USP31: variants seen among roughly 807,000 people sequenced by gnomAD.
The protein encoded by USP31 is ubiquitin specific peptidase 31.
In USP31, 44 loss-of-function variants were observed where a neutral mutation model predicts 119.4. That is an observed-to-expected ratio of 0.37 (90% CI 0.29 to 0.47). The LOEUF (loss-of-function observed/expected upper bound fraction) is 0.47. Among genes scored for constraint, USP31 ranks in the 20% least tolerant of loss-of-function variants. USP31 has a pLI of 0.99. For synonymous variants in USP31, 749 were observed against 705.6 expected (o/e 1.06, Z -0.97); for missense variants, 1,643 against 1,730.2 (o/e 0.95, Z 0.89).
chr16:23,139,038 T>C lies in USP31; in HGVS notation c.633+9600A>G, dbSNP rs544919216. 3.3e-5 allele frequency among the ~76,000 whole-genome samples: 5 copies of C among 152,312 alleles called. No homozygotes were observed. The South Asian group carries it at 1.0e-3, about 32-fold the overall frequency. ...CAGCACAGAAAATGTGCTAAATAAA[T>C]CTGTAGACTTAATAAATCTATATAT... is the stretch of plus-strand genomic sequence containing the variant. On this transcript the variant is annotated intron_variant, in intron 1 of 15. Transcript: ENST00000219689.
chr16:23,110,218 A>G (rs1902262148), intron 1 of USP31, among the ~76,000 whole-genome samples: 1 of 152,212 alleles, frequency 6.6e-6, no homozygotes, highest in Non-Finnish European at 1.5e-5. Flanking sequence ...GAATATATAT[A>G]TTTACAAACT....
At chr16:23,135,927 T>TA (rs1232076578) in intron 1 of USP31, among the ~76,000 whole-genome samples, 1 of 152,210 alleles carries the variant, frequency 6.6e-6, no homozygotes, top group Non-Finnish European at 1.5e-5. Context: ...TTTCAAAACT[T>TA]ACTACTGTAC....
intron 6 of USP31, 133 bp from the exon 7 acceptor site, chr16:23,090,937 A>G (rs1901336395): frequency 2.5e-6 from 2 of 791,436 alleles, no homozygotes; most frequent in Admixed American, 3.0e-5. Flanking sequence ...AATCAAAAAA[A>G]GAAACATCCT....
chr16:23,106,305 T>A lies in USP31; in HGVS notation c.861A>T (p.Arg287Ser). 6.2e-7 allele frequency: 1 copy of A among 1,613,980 alleles called. No individual in the cohort carries two copies. Among genetic ancestry groups the A allele is most frequent in the Non-Finnish European group, 8.5e-7 (1 of 1,179,982 alleles). The change falls in exon 4 of 16, where the codon AGA becomes AGT. Residue 287 changes from arginine (R) to serine (S), a missense_variant and splice_region_variant. Coordinates refer to ENST00000219689, the MANE Select transcript of USP31 (RefSeq NM_020718.4). ...GACAATGAGGACACGTCAAAGAAGA[T>A]CTTCAAAACAAAAAGGTAAGACGCT... is the stretch of plus-strand genomic sequence containing the variant. ...FVQELFQAQY[R>S]SSLTCPHCQK...
chr16:23,133,481 G>GA (rs1374850601), intron 1 of USP31, among the ~76,000 whole-genome samples: 1 of 152,140 alleles, frequency 6.6e-6, no homozygotes, highest in Non-Finnish European at 1.5e-5. Flanking sequence ...TTAGGAAACC[G>GA]AATCATTTTG....
At chr16:23,103,380 TA>T (rs1431310024) in intron 5 of USP31, among the ~76,000 whole-genome samples, 1 of 152,050 alleles carries the variant, frequency 6.6e-6, no homozygotes, top group Admixed American at 6.6e-5. Flanking sequence ...ATAAAGCTAC[TA>T]AAAAGAATAA....
chr16:23,139,912 A>C (rs1397769354), intron 1 of USP31, among the ~76,000 whole-genome samples: 1 of 152,136 alleles, frequency 6.6e-6, no homozygotes, highest in Non-Finnish European at 1.5e-5. Context: ...CTTGGCCTGA[A>C]ACCTCAGTAT....
chr16:23,090,012 C>G (rs1901281509), intron 7 of USP31, among the ~76,000 whole-genome samples: 1 of 152,166 alleles, frequency 6.6e-6, no homozygotes, highest in African/African-American at 2.4e-5. Flanking sequence ...AAAAAGCTGT[C>G]AGGAAAGTAG....
intron 4 of USP31, among the ~76,000 whole-genome samples, chr16:23,105,974 T>C (rs1902083587): frequency 6.6e-6 from 1 of 152,126 alleles, no homozygotes; most frequent in Non-Finnish European, 1.5e-5. Flanking sequence ...CCAACCCCGA[T>C]ACTATGTGTG....
chr16:23,096,995 G>A (rs1009858643), intron 6 of USP31, among the ~76,000 whole-genome samples: 3 of 151,888 alleles, frequency 2.0e-5, no homozygotes, highest in African/African-American at 7.3e-5. Context: ...TAAGATCAGA[G>A]GAGAACTGAA....
chr16:23,062,184 G>C lies in USP31; in HGVS notation c.*5862C>G, dbSNP rs1284793891. 6.6e-6 allele frequency: 1 copy of C among 152,448 alleles called. No homozygotes were observed. Among genetic ancestry groups the C allele is most frequent in the African/African-American group, 2.4e-5 (1 of 41,432 alleles). 9.4% of individuals were successfully genotyped at this position (152,448 alleles called of 1,614,324 possible). A position where few individuals can be genotyped will look rare whatever the true frequency, so the allele number is the denominator to read the frequency against. On this transcript the variant is annotated 3_prime_UTR_variant, in exon 16 of 16. Transcript: ENST00000219689. ...GTGTTTTGTAGGCAGCATGAGGCTCGACAGAATGAAACCATCAGATTACTT... is the reference window on the plus strand; with the variant it reads ...GTGTTTTGTAGGCAGCATGAGGCTCCACAGAATGAAACCATCAGATTACTT...
At position 23,065,682 on chromosome 16, in the gene USP31, T is replaced by C. The variant is rs1007542158; in HGVS notation, c.*2364A>G. Reference sequence around the variant, plus strand: ...AGATCCCATGGAAAACCAAAGGGATTTGTAGAAACGTTTTTCCTTTTTTTT... The same window carrying C: ...AGATCCCATGGAAAACCAAAGGGATCTGTAGAAACGTTTTTCCTTTTTTTT... On this transcript the variant is annotated 3_prime_UTR_variant, in exon 16 of 16. Transcript: ENST00000219689. 3.9e-5 allele frequency: 6 copies of C among 152,482 alleles called. No individual in the cohort carries two copies. The highest frequency in any genetic ancestry group is 1.4e-4 in the African/African-American group (6 of 41,450). 9.4% of individuals were successfully genotyped at this position (152,482 alleles called of 1,614,324 possible).
chr16:23,106,382 A>T lies in USP31; in HGVS notation c.860+17T>A. ...TCAGGTAAACAAAATAAGTGGAAAC[A>T]TCCGATTTTCTCATACCTGTATTGC... On this transcript the variant is annotated intron_variant, in intron 3 of 15. Coordinates refer to ENST00000219689, the MANE Select transcript of USP31 (RefSeq NM_020718.4). 1 of 1,613,734 alleles carries T rather than the reference A, an allele frequency of 6.2e-7. No individual in the cohort carries two copies. Among genetic ancestry groups the T allele is most frequent in the Non-Finnish European group, 8.5e-7 (1 of 1,179,804 alleles).
chr16:23,106,592 G>C, intron 2 of USP31, 105 bp from the exon 3 acceptor site: 1 of 1,144,900 alleles, frequency 8.7e-7, no homozygotes, highest in Non-Finnish European at 1.2e-6. Context: ...TACAAGCTAT[G>C]CATCAAGTGC....
At chr16:23,069,803 G>A (rs1490887640) in intron 15 of USP31, among the ~76,000 whole-genome samples, 187 bp from the exon 16 acceptor site, 1 of 152,188 alleles carries the variant, frequency 6.6e-6, no homozygotes, top group Non-Finnish European at 1.5e-5. Context: ...GTTTCCTTAT[G>A]TATAAAATAG....
Position 23,105,645 on chromosome 16 carries a change from A to C in USP31, c.954-69T>G, listed in dbSNP as rs958297177. 3 of 1,428,266 alleles carry C rather than the reference A, an allele frequency of 2.1e-6. No homozygotes were observed. In the East Asian group the frequency reaches 7.7e-5, roughly 37 times the overall value. 88.5% of individuals were successfully genotyped at this position (1,428,266 alleles called of 1,614,324 possible). ...AACTAAAATATAGAAGATGCAAAAT[A>C]AACCTGAGACGAAATCAACAAAAAA... On this transcript the variant is annotated intron_variant, in intron 4 of 15. Transcript: ENST00000219689.
chr16:23,113,543 C>T (rs775290605), intron 1 of USP31, among the ~76,000 whole-genome samples: 8 of 152,140 alleles, frequency 5.3e-5, no homozygotes, highest in Non-Finnish European at 1.2e-4. Flanking sequence ...AAAGGCAAGT[C>T]AGGCAGGCTC....
At chr16:23,131,085 G>A (rs1422408955) in intron 1 of USP31, among the ~76,000 whole-genome samples, 1 of 152,136 alleles carries the variant, frequency 6.6e-6, no homozygotes, top group Non-Finnish European at 1.5e-5. Context: ...CAAGGTGTGA[G>A]GATCACTCAA....
At chr16:23,072,219 T>G in intron 14 of USP31, 22 bp from the exon 15 acceptor site, 1 of 1,597,440 alleles carries the variant, frequency 6.3e-7, no homozygotes, top group African/African-American at 1.3e-5. Context: ...AAAACAGGCA[T>G]AGAGGTCAGG....
Sources: gnomAD v4.1 joint callset for allele counts (sites outside exome capture counted in the v4.1 genomes callset) on GRCh38, gnomAD v4.1.1 for gene constraint, MANE v1.5 for transcripts, NCBI Gene and HGNC (gene_info 2026-07-23, HGNC 2026-07-21) for gene names.